Variants in KANSL1L observed in about 807,000 individuals in gnomAD.
KANSL1L encodes the protein KAT8 regulatory NSL complex subunit 1 like, also known as KAT8 regulatory NSL complex subunit 1-like protein.
In KANSL1L, 25 loss-of-function variants were observed where a neutral mutation model predicts 108.6. That is an observed-to-expected ratio of 0.23 (90% CI 0.17 to 0.32). KANSL1L has a LOEUF of 0.32. KANSL1L is among the 10% of genes least tolerant of loss of function. The pLI, the probability that KANSL1L is intolerant of heterozygous loss-of-function variation, is 1.00. For missense variants in KANSL1L, 1,137 were observed against 1,125.7 expected, an observed-to-expected ratio of 1.01 and a Z score of -0.14; for synonymous variants, 405 against 395.1, an observed-to-expected ratio of 1.03 and a Z score of -0.30.
At chr2:210,084,628 T>C (rs921045027) in intron 5 of KANSL1L, among the ~76,000 whole-genome samples, 7 of 152,186 alleles carry the variant, frequency 4.6e-5, no homozygotes, top group African/African-American at 1.7e-4. Context: ...TTCTCTCTCT[T>C]TTTTGAGACA....
intron 14 of KANSL1L, among the ~76,000 whole-genome samples, chr2:210,023,628 G>T (rs2125108257): frequency 6.6e-6 from 1 of 152,290 alleles, no homozygotes; most frequent in Admixed American, 6.5e-5. Context: ...AAAGGTGTAA[G>T]AACTTTATGG....
chr2:210,029,521 CTTTAT>C (rs2093985438), intron 10 of KANSL1L, among the ~76,000 whole-genome samples: 1 of 151,966 alleles, frequency 6.6e-6, no homozygotes, highest in African/African-American at 2.4e-5. Flanking sequence ...ATTAGTAAGA[CTTTAT>C]TTAGCTTAAT....
intron 6 of KANSL1L, among the ~76,000 whole-genome samples, chr2:210,071,216 T>A (rs1210161702): frequency 6.6e-6 from 1 of 152,050 alleles, no homozygotes; most frequent in Non-Finnish European, 1.5e-5. Flanking sequence ...TTATGTGGCA[T>A]TCATCCTGTA....
At chr2:210,073,855 G>C (rs1042745754) in intron 6 of KANSL1L, among the ~76,000 whole-genome samples, 1 of 150,730 alleles carries the variant, frequency 6.6e-6, no homozygotes, top group Non-Finnish European at 1.5e-5. Flanking sequence ...GTTCCACTTC[G>C]TTAATTCTTT....
chr2:210,087,770 T>C (rs945504923), intron 5 of KANSL1L, among the ~76,000 whole-genome samples: 3 of 152,192 alleles, frequency 2.0e-5, no homozygotes, highest in African/African-American at 7.2e-5. Flanking sequence ...GTTACCTCAT[T>C]TGATCTTCAC....
chr2:210,144,266 C>T (rs1045963500), intron 2 of KANSL1L, among the ~76,000 whole-genome samples: 2 of 152,240 alleles, frequency 1.3e-5, no homozygotes, highest in African/African-American at 4.8e-5. Flanking sequence ...TGATTTTTGA[C>T]AGTTTGACTA....
At chr2:210,116,588 G>A (rs1272109503) in intron 3 of KANSL1L, among the ~76,000 whole-genome samples, 1 of 152,112 alleles carries the variant, frequency 6.6e-6, no homozygotes, top group Non-Finnish European at 1.5e-5. Flanking sequence ...AAGAGAACAG[G>A]AGTCTCTGAC....
intron 3 of KANSL1L, among the ~76,000 whole-genome samples, chr2:210,118,472 CA>C (rs1273220048): frequency 0.012 from 493 of 42,256 alleles, 2 homozygotes; most frequent in African/African-American, 0.022. Flanking sequence ...TACTCCAACT[CA>C]AAAAAAAAAA....
intron 3 of KANSL1L, among the ~76,000 whole-genome samples, chr2:210,109,960 T>C (rs905711770): frequency 6.6e-6 from 1 of 152,186 alleles, no homozygotes; most frequent in African/African-American, 2.4e-5. Context: ...AGGACTGGTT[T>C]AAGTCTTGGC....
rs755543637 is a variant in KANSL1L at position 210,153,794 on chromosome 2, C to T, written c.789G>A (p.Leu263=). Residue 263 remains leucine (L), a synonymous_variant, in exon 2 of 15, where the codon TTG becomes TTA. Transcript: ENST00000281772. ...TTTTGGGGAGTTGATGTTTCATAGA[C>T]AATTTCATCTGCTGACCATAGTGCT... ...VVKHYGQQMK[L]SMKHQLPKMK... The T allele has an allele frequency of 3.1e-6, 5 of 1,612,940 alleles. No individual in the cohort carries two copies. Among genetic ancestry groups the T allele is most frequent in the Middle Eastern group, 1.7e-4 (1 of 6,050 alleles).
Position 210,022,495 on chromosome 2 carries a change from A to G in KANSL1L, c.*454T>C, listed in dbSNP as rs776415892. 46 of 161,082 alleles carry G rather than the reference A, an allele frequency of 2.9e-4. 1 individual carries two copies. Among genetic ancestry groups the G allele is most frequent in the Non-Finnish European group, 3.9e-4 (29 of 73,834 alleles). The allele number at this position is 161,082 out of a possible 1,614,324, so 10.0% of individuals were successfully genotyped here. On this transcript the variant is annotated 3_prime_UTR_variant, in exon 15 of 15. Coordinates refer to ENST00000281772, the MANE Select transcript of KANSL1L (RefSeq NM_152519.4). ...TACATAGGGGTGTGTGTGTGTGTGT[A>G]TGTTTATTTTATACACACATATTTG...
chr2:210,096,658 C>G, intron 5 of KANSL1L: 1 of 983,924 alleles, frequency 1.0e-6, no homozygotes, highest in Non-Finnish European at 1.2e-6. Flanking sequence ...AATACATTCA[C>G]CTACATTATG....
At chr2:210,119,291 T>C (rs2094990685) in intron 3 of KANSL1L, among the ~76,000 whole-genome samples, 3 of 152,140 alleles carry the variant, frequency 2.0e-5, no homozygotes, top group Non-Finnish European at 2.9e-5. Context: ...CTACTCTAAC[T>C]AGTCTGAAAA....
At chr2:210,041,580 T>G (rs888760556) in intron 7 of KANSL1L, among the ~76,000 whole-genome samples, 1 of 151,998 alleles carries the variant, frequency 6.6e-6, no homozygotes, top group African/African-American at 2.4e-5. Context: ...AGACTACGGG[T>G]GCACAACTCC....
intron 6 of KANSL1L, among the ~76,000 whole-genome samples, chr2:210,056,421 C>G (rs757130364): frequency 6.6e-6 from 1 of 152,172 alleles, no homozygotes; most frequent in Non-Finnish European, 1.5e-5. Context: ...TGCTAATCAC[C>G]GAATCATTAT....
intron 2 of KANSL1L, among the ~76,000 whole-genome samples, chr2:210,137,734 T>G (rs1445922609): frequency 6.6e-6 from 1 of 152,108 alleles, no homozygotes; most frequent in Non-Finnish European, 1.5e-5. Context: ...AATATAATAT[T>G]AATTCTATAC....
chr2:210,117,699 G>A lies in KANSL1L; in HGVS notation c.1230+11332C>T, dbSNP rs190333775. Among the ~76,000 whole-genome samples the A allele has an allele frequency of 2.6e-5, 4 of 151,986 alleles. No homozygotes were observed. In the East Asian group the frequency reaches 7.7e-4, roughly 29 times the overall value. ...CTAGACTAAGAAAAAAAACAGGGAAGATTCAAATAAAATTGCAAATAAAAA... is the reference window on the plus strand; with the variant it reads ...CTAGACTAAGAAAAAAAACAGGGAAAATTCAAATAAAATTGCAAATAAAAA... On this transcript the variant is annotated intron_variant, in intron 3 of 14. Coordinates refer to ENST00000281772, the MANE Select transcript of KANSL1L (RefSeq NM_152519.4).
At chr2:210,031,373 T>A (rs13009890) in intron 9 of KANSL1L, 48 bp downstream of exon 9, 118,272 of 1,373,846 alleles carry the variant, frequency 0.086, 5,719 homozygotes, top group Middle Eastern at 0.12. Context: ...TCAGAATTTT[T>A]AATTTTTAAT....
Position 210,129,057 on chromosome 2 carries a change from T to A in KANSL1L, c.1204A>T (p.Ile402Phe), listed in dbSNP as rs758466992. 6.2e-7 allele frequency: 1 copy of A among 1,613,774 alleles called. No homozygotes were observed. Among genetic ancestry groups the A allele is most frequent in the African/African-American group, 1.3e-5 (1 of 74,918 alleles). Reference protein sequence around the residue: ...LECKIQQLTDIHRQIRASKGI... With the variant: ...LECKIQQLTDFHRQIRASKGI... ...TTGGAGGCACGAATTTGCCTGTGAA[T>A]GTCTGTTAGTTGTTGGATTTTGCAT... The change falls in exon 3 of 15, where the codon ATT becomes TTT. Residue 402 changes from isoleucine (I) to phenylalanine (F), a missense_variant. Transcript: ENST00000281772.
Sources: gnomAD v4.1 joint callset for allele counts (sites outside exome capture counted in the v4.1 genomes callset) on GRCh38, gnomAD v4.1.1 for gene constraint, MANE v1.5 for transcripts, NCBI Gene and HGNC (gene_info 2026-07-23, HGNC 2026-07-21) for gene names.